CALCR: variants seen among roughly 807,000 people sequenced by gnomAD.
CALCR encodes calcitonin receptor.
Under a neutral mutation model 59.5 loss-of-function variants are expected in CALCR, and 47 were observed. That is an observed-to-expected ratio of 0.79 (90% CI 0.63 to 1.01). The LOEUF (loss-of-function observed/expected upper bound fraction) is 1.01. Ranked by LOEUF, CALCR falls within the 50% of genes least tolerant of loss-of-function variation. The pLI is 0.00. For synonymous variants in CALCR, 213 were observed against 211.3 expected, an observed-to-expected ratio of 1.01 and a Z score of -0.07; for missense variants, 566 against 597.1, an observed-to-expected ratio of 0.95 and a Z score of 0.54.
intron 2 of CALCR, among the ~76,000 whole-genome samples, chr7:93,488,874 G>A (rs1801011285): frequency 1.3e-5 from 2 of 151,636 alleles, no homozygotes; most frequent in African/African-American, 4.8e-5. Flanking sequence ...AAATTAGCAA[G>A]GATATTCAGG....
intron 2 of CALCR, among the ~76,000 whole-genome samples, chr7:93,566,112 A>C (rs1789858735): frequency 1.3e-5 from 2 of 152,128 alleles, no homozygotes; most frequent in African/African-American, 4.8e-5. Flanking sequence ...TATAATTTTC[A>C]TATTTATTAA....
At chr7:93,539,673 C>A (rs150231018) in intron 2 of CALCR, among the ~76,000 whole-genome samples, 1 of 152,208 alleles carries the variant, frequency 6.6e-6, no homozygotes, top group East Asian at 1.9e-4. Flanking sequence ...TACCTAACGC[C>A]TCTGAAAGGC....
At chr7:93,531,908 C>G in intron 2 of CALCR, among the ~76,000 whole-genome samples, 1 of 151,902 alleles carries the variant, frequency 6.6e-6, no homozygotes. Flanking sequence ...ATTCATTGAT[C>G]TGAAAAATAC....
chr7:93,451,158 T>C (rs1800101652), intron 8 of CALCR, among the ~76,000 whole-genome samples: 2 of 152,148 alleles, frequency 1.3e-5, no homozygotes, highest in South Asian at 2.1e-4. Context: ...TAAATTTTGA[T>C]AGTATACTTG....
At chr7:93,492,823 A>G (rs1801113994) in intron 2 of CALCR, among the ~76,000 whole-genome samples, 1 of 151,358 alleles carries the variant, frequency 6.6e-6, no homozygotes, top group African/African-American at 2.4e-5. Flanking sequence ...ATATTTTGAG[A>G]TAAAATTTGA....
At chr7:93,440,220 C>G (rs10227083) in intron 9 of CALCR, among the ~76,000 whole-genome samples, 2,326 of 152,158 alleles carry the variant, frequency 0.015, 70 homozygotes, top group African/African-American at 0.054. Flanking sequence ...GGTTTTGCTT[C>G]TTTTCTGGCA....
intron 2 of CALCR, among the ~76,000 whole-genome samples, chr7:93,562,939 T>G (rs986280334): frequency 6.6e-6 from 1 of 152,004 alleles, no homozygotes; most frequent in African/African-American, 2.4e-5. Context: ...ATGAAAAATT[T>G]AAAAACGGTA....
chr7:93,552,843 C>T (rs567941768), intron 2 of CALCR, among the ~76,000 whole-genome samples: 1 of 152,232 alleles, frequency 6.6e-6, no homozygotes, highest in African/African-American at 2.4e-5. Context: ...CTGTGTAGCA[C>T]TCCTCCCCGG....
chr7:93,466,710 G>A lies in CALCR; in HGVS notation c.521+2005C>T, dbSNP rs185461216. On this transcript the variant is annotated intron_variant, in intron 7 of 13. Transcript: ENST00000426151. Reference sequence around the variant, plus strand: ...TAGTTGGTTCTTAGAACTGAGAGACGGTAGGGCAAAGTTGGGTACTTTCTA... The same window carrying A: ...TAGTTGGTTCTTAGAACTGAGAGACAGTAGGGCAAAGTTGGGTACTTTCTA... Among the ~76,000 whole-genome samples the A allele has an allele frequency of 1.7e-4, 26 of 151,786 alleles. No homozygotes were observed. In the East Asian group the frequency reaches 4.5e-3, roughly 26 times the overall value.
At chr7:93,436,450 G>A (rs552831099) in intron 11 of CALCR, among the ~76,000 whole-genome samples, 1 of 152,290 alleles carries the variant, frequency 6.6e-6, no homozygotes, top group South Asian at 2.1e-4. Context: ...GCCTTTCTAT[G>A]GCGGGGGTGG....
chr7:93,544,718 C>G (rs527844446), intron 2 of CALCR, among the ~76,000 whole-genome samples: 368 of 152,232 alleles, frequency 2.4e-3, no homozygotes, highest in African/African-American at 8.6e-3. Flanking sequence ...TGGAATGGGA[C>G]TTACCAAGCT....
intron 2 of CALCR, among the ~76,000 whole-genome samples, chr7:93,546,006 AT>A (rs1232297832): frequency 6.6e-6 from 1 of 152,204 alleles, no homozygotes; most frequent in South Asian, 2.1e-4. Context: ...AACAAAAAAA[AT>A]ACTGTTGCAA....
At chr7:93,455,866 A>G (rs1800199563) in intron 8 of CALCR, among the ~76,000 whole-genome samples, 1 of 152,146 alleles carries the variant, frequency 6.6e-6, no homozygotes, top group African/African-American at 2.4e-5. Context: ...GAAATACAAT[A>G]CAAATTTCAC....
chr7:93,487,938 C>T (rs1006316914), intron 2 of CALCR, among the ~76,000 whole-genome samples: 8 of 149,112 alleles, frequency 5.4e-5, no homozygotes, highest in Admixed American at 1.3e-4. Context: ...AGAAGATCAA[C>T]CCCAAGACAC....
intron 5 of CALCR, among the ~76,000 whole-genome samples, chr7:93,475,308 GA>G (rs1180345735): frequency 6.6e-6 from 1 of 151,610 alleles, no homozygotes; most frequent in African/African-American, 2.4e-5. Flanking sequence ...AGTTAAATAA[GA>G]AAACTTAAAA....
Position 93,477,676 on chromosome 7 carries a change from T to C in CALCR, c.206-8A>G. 5 of 1,558,940 alleles carry C rather than the reference T, an allele frequency of 3.2e-6. No homozygotes were observed. The highest frequency in any genetic ancestry group is 8.8e-7 in the Non-Finnish European group (1 of 1,131,316). ...TGCGATTGCAATATGGACCTGGCCA[T>C]TTAGAAGGAAATTGATATTGAAGCC... On this transcript the variant is annotated splice_region_variant and splice_polypyrimidine_tract_variant and intron_variant, in intron 4 of 13. Transcript: ENST00000426151.
intron 6 of CALCR, among the ~76,000 whole-genome samples, chr7:93,469,327 C>T (rs201765112): frequency 3.4e-5 from 5 of 148,508 alleles, no homozygotes; most frequent in African/African-American, 4.9e-5. Flanking sequence ...TTTGATAATT[C>T]TTTTTTTTTT....
intron 2 of CALCR, among the ~76,000 whole-genome samples, chr7:93,569,928 G>A (rs1584639034): frequency 7.9e-6 from 1 of 126,206 alleles, no homozygotes; most frequent in South Asian, 2.6e-4. Flanking sequence ...AACCATTGAT[G>A]TAAAGGGACA....
intron 2 of CALCR, among the ~76,000 whole-genome samples, chr7:93,540,990 T>A (rs931698097): frequency 6.6e-6 from 1 of 151,994 alleles, no homozygotes; most frequent in Admixed American, 6.6e-5. Context: ...AAATGAGTGA[T>A]TTGGCATGAG....
Sources: allele counts gnomAD v4.1 joint callset (sites outside exome capture counted in the v4.1 genomes callset), GRCh38; gene constraint gnomAD v4.1.1; transcripts MANE v1.5; gene names NCBI Gene and HGNC (gene_info 2026-07-23, HGNC 2026-07-21).